The following CEP112 variants were observed in gnomAD, a reference collection of about 807,000 sequenced individuals.
CEP112 encodes centrosomal protein of 112 kDa.
CEP112 carries 127 observed loss-of-function variants against 153.0 expected under a neutral mutation model. The observed-to-expected ratio is 0.83, with a 90% CI of 0.72 to 0.96. The LOEUF is 0.96. Ranked by LOEUF, CEP112 falls within the 40% of genes least tolerant of loss-of-function variation. The pLI is 0.00. For synonymous variants in CEP112, 358 were observed against 374.4 expected, an observed-to-expected ratio of 0.96 and a Z score of 0.51; for missense variants, 1,089 against 1,101.2, an observed-to-expected ratio of 0.99 and a Z score of 0.16.
At chr17:66,119,560 G>A (rs2069474066) in intron 6 of CEP112, among the ~76,000 whole-genome samples, 1 of 152,056 alleles carries the variant, frequency 6.6e-6, no homozygotes, top group African/African-American at 2.4e-5. Context: ...TGATAATTGA[G>A]TCCTTTTCAT....
intron 11 of CEP112, among the ~76,000 whole-genome samples, chr17:66,054,706 T>C (rs998608468): frequency 1.3e-5 from 2 of 152,140 alleles, no homozygotes; most frequent in African/African-American, 4.8e-5. Context: ...ACCTACCCAA[T>C]AGGAGAAGAG....
chr17:66,013,524 T>C (rs187194709), intron 16 of CEP112, among the ~76,000 whole-genome samples: 31 of 152,312 alleles, frequency 2.0e-4, no homozygotes, highest in Middle Eastern at 6.8e-3. Flanking sequence ...ACTCCCACAC[T>C]GTATACTCTA....
chr17:65,907,022 G>A (rs1322513104), intron 19 of CEP112, among the ~76,000 whole-genome samples: 1 of 152,118 alleles, frequency 6.6e-6, no homozygotes, highest in Non-Finnish European at 1.5e-5. Flanking sequence ...TTGGGAGAAG[G>A]GATGTGACTT....
At position 66,175,168 on chromosome 17, in the gene CEP112, G is replaced by A. The variant is rs2072418903; in HGVS notation, c.346C>T (p.Pro116Ser). The A allele has an allele frequency of 6.2e-7, 1 of 1,609,550 alleles. No individual in the cohort carries two copies. The highest frequency in any genetic ancestry group is 1.3e-5 in the African/African-American group (1 of 74,754). ...AGTACCCAGGCTGGTAATCCCTCTG[G>A]GCTTGAACCTTTTGCTCGTGCTGGA... ...PNPARAKGSS[P>S]EGLPAWVLGE... Residue 116 changes from proline to serine, a missense_variant, in exon 4 of 27, where the codon CCA becomes TCA. Physicochemically the swap from Pro to Ser is moderately conservative, Grantham distance 74 (BLOSUM62 -1). Transcript: ENST00000535342.
At chr17:66,116,237 A>G (rs894432826) in intron 6 of CEP112, among the ~76,000 whole-genome samples, 1 of 152,178 alleles carries the variant, frequency 6.6e-6, no homozygotes, top group African/African-American at 2.4e-5. Context: ...CTCTGTATCT[A>G]CCATTATGAT....
intron 24 of CEP112, among the ~76,000 whole-genome samples, chr17:65,684,205 T>C (rs971248717): frequency 3.3e-5 from 5 of 152,190 alleles, no homozygotes; most frequent in East Asian, 1.9e-4. Context: ...TTTAGCAAAA[T>C]ACACCTGTTA....
Position 66,188,286 on chromosome 17 carries a change from AACACACACACAC to A in CEP112, c.-9+3699_-9+3710del, listed in dbSNP as rs59802008. On this transcript the variant is annotated intron_variant, in intron 1 of 26. Transcript: ENST00000535342. The stretch of plus-strand genomic sequence containing the variant: ...GCCTGTCTCTCACACCACACACACA[AACACACACACAC>A]ACACACACACACACACACACACACA... Among the ~76,000 whole-genome samples the A allele has an allele frequency of 6.1e-3, 672 of 109,498 alleles. 1 individual carries two copies. Among genetic ancestry groups the A allele is most frequent in the African/African-American group, 8.4e-3 (270 of 32,290 alleles). 71.8% of individuals were successfully genotyped at this position (109,498 alleles called of 152,430 possible). A position where few individuals can be genotyped will look rare whatever the true frequency, so the allele number is the denominator to read the frequency against.
chr17:66,181,459 C>T (rs745491577), intron 2 of CEP112, among the ~76,000 whole-genome samples: 9 of 152,092 alleles, frequency 5.9e-5, no homozygotes, highest in Non-Finnish European at 1.0e-4. Context: ...CATTCTCCTG[C>T]CTCAGCCTCC....
At chr17:66,146,447 T>A (rs945005557) in intron 4 of CEP112, among the ~76,000 whole-genome samples, 1 of 152,108 alleles carries the variant, frequency 6.6e-6, no homozygotes, top group South Asian at 2.1e-4. Context: ...CTGTGTCAAG[T>A]CCCTTCTTTC....
intron 26 of CEP112, among the ~76,000 whole-genome samples, chr17:65,636,298 C>T (rs561652594): frequency 6.6e-6 from 1 of 152,302 alleles, no homozygotes; most frequent in South Asian, 2.1e-4. Flanking sequence ...GCACTGGGAA[C>T]CTTTGACTAC....
intron 6 of CEP112, among the ~76,000 whole-genome samples, chr17:66,108,461 T>C (rs954841158): frequency 3.3e-5 from 5 of 152,082 alleles, no homozygotes; most frequent in African/African-American, 9.7e-5. Context: ...AAGATCTGAA[T>C]AGACATGTCT....
chr17:65,899,536 C>A (rs897347919), intron 20 of CEP112, among the ~76,000 whole-genome samples: 4 of 151,940 alleles, frequency 2.6e-5, no homozygotes, highest in Non-Finnish European at 5.9e-5. Context: ...ACATATTCAC[C>A]AAAAGGGAGT....
At chr17:65,794,504 A>G (rs1455635421) in intron 21 of CEP112, among the ~76,000 whole-genome samples, 7 of 152,008 alleles carry the variant, frequency 4.6e-5, no homozygotes, top group Admixed American at 3.3e-4. Context: ...CTTTACTGAA[A>G]TTGGTTTACT....
chr17:65,650,195 C>A (rs1423629870), intron 24 of CEP112, among the ~76,000 whole-genome samples: 3 of 152,166 alleles, frequency 2.0e-5, no homozygotes, highest in African/African-American at 7.2e-5. Flanking sequence ...GCCACTGTGT[C>A]CATCTGGACA....
At chr17:65,755,877 C>G (rs951899173) in intron 21 of CEP112, among the ~76,000 whole-genome samples, 1 of 152,014 alleles carries the variant, frequency 6.6e-6, no homozygotes, top group South Asian at 2.1e-4. Flanking sequence ...GTATTCAAGT[C>G]TTGAGTTTAT....
chr17:65,922,271 T>C (rs1347967220), intron 19 of CEP112, among the ~76,000 whole-genome samples: 4 of 152,150 alleles, frequency 2.6e-5, no homozygotes, highest in African/African-American at 7.2e-5. Context: ...GGGACATTAA[T>C]GATTTTCTTA....
chr17:65,773,679 A>G (rs1598536540), intron 21 of CEP112, among the ~76,000 whole-genome samples: 1 of 152,112 alleles, frequency 6.6e-6, no homozygotes, highest in Non-Finnish European at 1.5e-5. Context: ...TTTCGGTGCA[A>G]TGTTTTTGCA....
At chr17:65,706,741 C>CT in intron 23 of CEP112, among the ~76,000 whole-genome samples, 1 of 152,334 alleles carries the variant, frequency 6.6e-6, no homozygotes, top group Non-Finnish European at 1.5e-5. Context: ...GCCATCTAAC[C>CT]ATTTACCGGC....
chr17:65,766,719 A>AG (rs568731733), intron 21 of CEP112, among the ~76,000 whole-genome samples: 139 of 151,540 alleles, frequency 9.2e-4, no homozygotes, highest in African/African-American at 3.2e-3. Context: ...AAAAAAAAAA[A>AG]AGAGAGAACA....
Sources: gnomAD v4.1 joint callset for allele counts (sites outside exome capture counted in the v4.1 genomes callset) on GRCh38, gnomAD v4.1.1 for gene constraint, MANE v1.5 for transcripts, NCBI Gene and HGNC (gene_info 2026-07-23, HGNC 2026-07-21) for gene names.